Variants in DDX55 observed in about 807,000 individuals in gnomAD.
DDX55 encodes DEAD-box helicase 55, also known as ATP-dependent RNA helicase DDX55.
In DDX55, 56 loss-of-function variants were observed where a neutral mutation model predicts 69.2. That is an observed-to-expected ratio of 0.81 (90% CI 0.65 to 1.01). DDX55 has a LOEUF of 1.01. Among genes scored for constraint, DDX55 ranks in the 50% least tolerant of loss-of-function variants. The pLI, the probability that DDX55 is intolerant of heterozygous loss-of-function variation, is 0.00. For missense variants in DDX55, 720 were observed against 745.1 expected (o/e 0.97, Z 0.39); for synonymous variants, 268 against 273.1 (o/e 0.98, Z 0.18).
chr12:123,611,728 T>C (rs567859151), intron 7 of DDX55, among the ~76,000 whole-genome samples: 1 of 152,314 alleles, frequency 6.6e-6, no homozygotes, highest in South Asian at 2.1e-4. Flanking sequence ...CAAAATCAGA[T>C]AGGCTCATCA....
chr12:123,603,392 CT>C (rs11438746), intron 1 of DDX55, among the ~76,000 whole-genome samples: 62 of 128,522 alleles, frequency 4.8e-4, no homozygotes, highest in Middle Eastern at 4.1e-3. Context: ...GGTTTTTATT[CT>C]TTTTTTTTTT....
chr12:123,608,965 GT>G, intron 6 of DDX55, 136 bp downstream of exon 6: 1 of 905,716 alleles, frequency 1.1e-6, no homozygotes, highest in Non-Finnish European at 1.5e-6. Flanking sequence ...TTATTTATTT[GT>G]TTATTAGAGA....
chr12:123,606,248 G>A (rs1953885332), intron 3 of DDX55, 89 bp downstream of exon 3: 6 of 1,496,234 alleles, frequency 4.0e-6, no homozygotes, highest in Non-Finnish European at 5.4e-6. Flanking sequence ...GAAAAAATAG[G>A]CCAGAAGCCG....
Position 123,607,436 on chromosome 12 carries a change from G to T in DDX55, c.251G>T (p.Gly84Val). ...CCCTTCCTTCCATGTGGGTAGGTTG[G>T]AGCCATAATCATCACCCCCACTCGA... ...REEKLKKSQV[G>V]AIIITPTREL... Residue 84 changes from glycine to valine, a missense_variant, in exon 4 of 14, where the codon GGA (glycine) becomes GTA (valine). By Grantham distance (109) the Gly-to-Val change is moderately radical (BLOSUM62 -3). Coordinates refer to ENST00000238146, the MANE Select transcript of DDX55 (RefSeq NM_020936.3). 1 of 1,614,022 alleles carries T rather than the reference G, an allele frequency of 6.2e-7. No homozygotes were observed.
Position 123,608,770 on chromosome 12 carries a change from C to T in DDX55, c.492C>T (p.Ser164=). The change falls in exon 6 of 14, where the codon TCC becomes TCT. Residue 164 remains serine (S), a synonymous_variant. Transcript: ENST00000238146. ...TGGATCTGGCCAGCTGTGTGCGATC[C>T]CTGGATGTCCTGGTGTTGGATGAGG... ...EGLDLASCVR[S]LDVLVLDEAD... is the part of the protein sequence containing the mutation. The T allele has an allele frequency of 6.2e-7, 1 of 1,614,120 alleles. No individual in the cohort carries two copies. The highest frequency in any genetic ancestry group is 8.5e-7 in the Non-Finnish European group (1 of 1,180,042).
chr12:123,605,925 CTT>C lies in DDX55; in HGVS notation c.109-4_109-3del. On this transcript the variant is annotated splice_region_variant and splice_polypyrimidine_tract_variant and intron_variant, in intron 1 of 13. Coordinates refer to ENST00000238146, the MANE Select transcript of DDX55 (RefSeq NM_020936.3). Reference sequence around the variant, plus strand: ...TTAACCAGTGCTTTGCAATCTCTCTCTTTAGTCCGCAACCATCCCTCTGTTCA... The same window carrying C: ...TTAACCAGTGCTTTGCAATCTCTCTCTAGTCCGCAACCATCCCTCTGTTCA... 1.9e-6 allele frequency: 3 copies of C among 1,614,172 alleles called. No homozygotes were observed. Among genetic ancestry groups the C allele is most frequent in the Non-Finnish European group, 2.5e-6 (3 of 1,180,034 alleles).
intron 7 of DDX55, among the ~76,000 whole-genome samples, chr12:123,610,853 G>C (rs1298848236): frequency 1.3e-5 from 2 of 150,562 alleles, no homozygotes; most frequent in African/African-American, 4.9e-5. Flanking sequence ...GCCTCCCAAA[G>C]TGCTGGGATT....
rs373251266 is a variant in DDX55, at chr12:123,607,615, C to T, written c.354C>T (p.Ile118=). 1.7e-5 allele frequency: 28 copies of T among 1,613,990 alleles called. No individual in the cohort carries two copies. Among genetic ancestry groups the T allele is most frequent in the African/African-American group, 6.7e-5 (5 of 74,906 alleles). The change falls in exon 5 of 14, where the codon ATC becomes ATT. Residue 118 remains isoleucine, a synonymous_variant. Transcript: ENST00000238146. ...CTTGTTGTAGCCAGATTCTTTGGAT[C>T]GGAGGCAGGAATCCTGGAGAAGATG... ...HFPEFSQILW[I]GGRNPGEDVE...
At chr12:123,610,176 A>G (rs1374910036) in intron 7 of DDX55, 48 bp downstream of exon 7, 1 of 1,568,150 alleles carries the variant, frequency 6.4e-7, no homozygotes, top group Non-Finnish European at 8.6e-7. Flanking sequence ...ACCAGTGCTC[A>G]TTTTATGGAA....
chr12:123,604,676 A>T (rs1267334581), intron 1 of DDX55, among the ~76,000 whole-genome samples: 1 of 152,252 alleles, frequency 6.6e-6, no homozygotes, highest in African/African-American at 2.4e-5. Flanking sequence ...AAGACCTAGT[A>T]TGAAAAAAGA....
rs35576014 is a variant in DDX55 at position 123,610,605 on chromosome 12, C to CTTT, written c.741+499_741+501dup. On this transcript the variant is annotated intron_variant, in intron 7 of 13. Transcript: ENST00000238146. ...GACCTGCATCAAATATGCTGAGTTT[C>CTTT]TTTTTTTTTTTTTTTTTTTTTTTTG... 7.9e-3 allele frequency among the ~76,000 whole-genome samples: 710 copies of CTTT among 90,046 alleles called. 12 individuals carry two copies. The highest frequency in any genetic ancestry group is 0.011 in the African/African-American group (256 of 23,372). The allele number at this position is 90,046 out of a possible 152,430, so 59.1% of individuals were successfully genotyped here. A position where few individuals can be genotyped will look rare whatever the true frequency, so the allele number is the denominator to read the frequency against.
intron 11 of DDX55, 53 bp from the exon 12 acceptor site, chr12:123,618,616 G>A: frequency 6.3e-7 from 1 of 1,589,726 alleles, no homozygotes; most frequent in Non-Finnish European, 8.6e-7. Context: ...GGGAGCCCTG[G>A]GGATATGATG....
rs1566189861 is a variant in DDX55 at position 123,610,900 on chromosome 12, G to GT, written c.741+775dup. Among the ~76,000 whole-genome samples, 10 of 137,086 alleles carry GT rather than the reference G, an allele frequency of 7.3e-5. 1 individual carries two copies. The highest frequency in any genetic ancestry group is 2.9e-4 in the African/African-American group (10 of 34,780). The allele number at this position is 137,086 out of a possible 152,430, so 89.9% of individuals were successfully genotyped here. A position where few individuals can be genotyped will look rare whatever the true frequency, so the allele number is the denominator to read the frequency against. ...CCACCGCGCCCGGCCGTTTTTTTTT[G>GT]TTTGTTTTTTTTTGTTTTGAGACGG... On this transcript the variant is annotated intron_variant, in intron 7 of 13. Coordinates refer to ENST00000238146, the MANE Select transcript of DDX55 (RefSeq NM_020936.3).
chr12:123,620,580 T>TTATATA lies in DDX55; in HGVS notation c.*483_*488dup, dbSNP rs68169681. On this transcript the variant is annotated 3_prime_UTR_variant, in exon 14 of 14. Coordinates refer to ENST00000238146, the MANE Select transcript of DDX55 (RefSeq NM_020936.3). Reference sequence around the variant, plus strand: ...GGTCACATATAGACATATGTACATATTATATATATATATATATATATATAT... The same window carrying TTATATA: ...GGTCACATATAGACATATGTACATATTATATATATATATATATATATATATATATAT... 8.8e-3 allele frequency: 570 copies of TTATATA among 64,782 alleles called. 7 individuals are homozygous for TTATATA. Among genetic ancestry groups the TTATATA allele is most frequent in the East Asian group, 0.014 (10 of 712 alleles). 4.0% of individuals were successfully genotyped at this position (64,782 alleles called of 1,614,324 possible).
Position 123,607,082 on chromosome 12 carries a change from G to A in DDX55, c.247-350G>A, listed in dbSNP as rs572602616. ...GAATCAATAGTATATGTTAAATAGA[G>A]TCTTTTAAGCACAAACAGACATAAA... On this transcript the variant is annotated intron_variant, in intron 3 of 13. Coordinates refer to ENST00000238146, the MANE Select transcript of DDX55 (RefSeq NM_020936.3). 7.5e-4 allele frequency among the ~76,000 whole-genome samples: 114 copies of A among 152,286 alleles called. 1 individual carries two copies. The Middle Eastern group carries it at 0.01, about 14-fold the overall frequency.
intron 10 of DDX55, 140 bp downstream of exon 10, chr12:123,616,743 C>T: frequency 1.2e-6 from 1 of 843,746 alleles, no homozygotes; most frequent in Non-Finnish European, 2.0e-6. Context: ...CTGCAGTGAC[C>T]CCGTGGATTC....
At chr12:123,604,044 C>T (rs772909829) in intron 1 of DDX55, among the ~76,000 whole-genome samples, 2 of 152,104 alleles carry the variant, frequency 1.3e-5, no homozygotes, top group Admixed American at 6.6e-5. Context: ...CTCAGGTACG[C>T]CCGCCTTGGC....
chr12:123,605,486 A>C, intron 1 of DDX55: 1 of 299,128 alleles, frequency 3.3e-6, no homozygotes, highest in Non-Finnish European at 6.6e-6. Flanking sequence ...TGAATCCTGG[A>C]GGGAGCAGCC....
chr12:123,603,660 G>A (rs1159730022), intron 1 of DDX55, among the ~76,000 whole-genome samples: 3 of 152,058 alleles, frequency 2.0e-5, no homozygotes, highest in Non-Finnish European at 4.4e-5. Context: ...AAAGTGCTGG[G>A]ATTACAGGCT....
Sources: gnomAD v4.1 joint callset for allele counts (sites outside exome capture counted in the v4.1 genomes callset) on GRCh38, gnomAD v4.1.1 for gene constraint, MANE v1.5 for transcripts, NCBI Gene and HGNC (gene_info 2026-07-23, HGNC 2026-07-21) for gene names.